Variants in GNA15 observed in about 807,000 individuals in gnomAD.
The protein encoded by GNA15 is G protein subunit alpha 15.
GNA15 carries 23 observed loss-of-function variants against 40.1 expected under a neutral mutation model. That is an observed-to-expected ratio of 0.57 (90% CI 0.41 to 0.81). GNA15 has a LOEUF of 0.81. Among genes scored for constraint, GNA15 ranks in the 40% least tolerant of loss-of-function variants. GNA15 has a pLI of 0.00. For synonymous variants in GNA15, 226 were observed against 210.4 expected (o/e 1.07, Z -0.64); for missense variants, 522 against 515.8 (o/e 1.01, Z -0.12).
At chr19:3,145,600 A>G in intron 1 of GNA15, among the ~76,000 whole-genome samples, 1 of 122,198 alleles carries the variant, frequency 8.2e-6, no homozygotes, top group Non-Finnish European at 1.7e-5. Flanking sequence ...CCCAGGCTGG[A>G]GTGTAGTGGC....
chr19:3,156,231 G>T (rs1915014467), intron 5 of GNA15, among the ~76,000 whole-genome samples: 2 of 28,452 alleles, frequency 7.0e-5, no homozygotes, highest in South Asian at 2.2e-3. Context: ...CATACACAAT[G>T]CATGCACACA....
At chr19:3,145,077 A>G (rs1305738108) in intron 1 of GNA15, among the ~76,000 whole-genome samples, 1 of 147,214 alleles carries the variant, frequency 6.8e-6, no homozygotes, top group Non-Finnish European at 1.5e-5. Context: ...CTGGTCTCGA[A>G]CTCCTGACCT....
In GNA15 at chr19:3,162,809, T is replaced by C. The variant is rs1433960096; in HGVS notation, c.915T>C (p.Ala305=). ...FPSFQGPKQD[A]EAAKRFILDM... The stretch of plus-strand genomic sequence containing the variant: ...TTTCCCCAGGCCCTAAGCAGGATGC[T>C]GAGGCAGCCAAGAGGTTCATCCTGG... The change falls in exon 7 of 7, where the codon GCT becomes GCC. Residue 305 remains alanine, a synonymous_variant. Coordinates refer to ENST00000262958, the MANE Select transcript of GNA15 (RefSeq NM_002068.4). 3 of 1,613,616 alleles carry C rather than the reference T, an allele frequency of 1.9e-6. No individual in the cohort carries two copies. The Admixed American group carries it at 5.0e-5, about 27-fold the overall frequency.
intron 6 of GNA15, among the ~76,000 whole-genome samples, chr19:3,158,599 G>T (rs1352551096): frequency 1.3e-5 from 2 of 151,952 alleles, no homozygotes; most frequent in Non-Finnish European, 2.9e-5. Flanking sequence ...TTTTAAGAAT[G>T]ATTCTTTTTC....
intron 6 of GNA15, among the ~76,000 whole-genome samples, chr19:3,162,060 A>G (rs761119889): frequency 5.9e-5 from 9 of 151,614 alleles, no homozygotes; most frequent in Non-Finnish European, 8.8e-5. Context: ...AATAATGATA[A>G]TAATAATAAA....
intron 1 of GNA15, among the ~76,000 whole-genome samples, chr19:3,138,413 G>A (rs1419235675): frequency 6.6e-6 from 1 of 152,180 alleles, no homozygotes; most frequent in Non-Finnish European, 1.5e-5. Context: ...CCCGAGCTCT[G>A]GGTTGGGGGC....
intron 1 of GNA15, among the ~76,000 whole-genome samples, chr19:3,138,605 C>A (rs1397469577): frequency 1.3e-5 from 2 of 151,926 alleles, no homozygotes; most frequent in African/African-American, 4.8e-5. Flanking sequence ...CACTGGGGGC[C>A]CTTTCTTTCT....
intron 1 of GNA15, among the ~76,000 whole-genome samples, chr19:3,138,242 G>C (rs1362292132): frequency 3.3e-4 from 50 of 152,216 alleles, no homozygotes; most frequent in Non-Finnish European, 1.5e-5. Context: ...CCCCAGCCTG[G>C]GCAACAAGAA....
At chr19:3,161,730 C>G (rs1255920910) in intron 6 of GNA15, among the ~76,000 whole-genome samples, 1 of 152,162 alleles carries the variant, frequency 6.6e-6, no homozygotes, top group Non-Finnish European at 1.5e-5. Context: ...TTTGCTGACT[C>G]CCAGCCCTAC....
intron 1 of GNA15, among the ~76,000 whole-genome samples, chr19:3,139,388 A>G (rs751782590): frequency 2.0e-5 from 3 of 151,260 alleles, no homozygotes; most frequent in Non-Finnish European, 2.9e-5. Context: ...GGAGTTTCAG[A>G]CCAGCCTGGG....
chr19:3,159,437 C>G (rs1049778715), intron 6 of GNA15, among the ~76,000 whole-genome samples: 17 of 150,906 alleles, frequency 1.1e-4, no homozygotes, highest in Admixed American at 4.0e-4. Context: ...ACCTCCGCCT[C>G]CCGGGTTCAA....
At chr19:3,148,878 C>G (rs998981794) in intron 2 of GNA15, 103 bp downstream of exon 2, 12 of 1,135,014 alleles carry the variant, frequency 1.1e-5, no homozygotes, top group Admixed American at 8.1e-5. Flanking sequence ...CAGGGCAGGG[C>G]AGGGCAGGGC....
chr19:3,155,723 C>A lies in GNA15; in HGVS notation c.615-100C>A. ...AGAGGCTAGCACCTATTCTTGCTGT[C>A]GCTATTATGGATCTTGGCATATCCC... On this transcript the variant is annotated intron_variant, in intron 4 of 6. Transcript: ENST00000262958. The surrounding 1 kb of genome is among the most constrained non-coding windows in gnomAD (Gnocchi z 5.6). 1 of 1,348,754 alleles carries A rather than the reference C, an allele frequency of 7.4e-7. No homozygotes were observed. The highest frequency in any genetic ancestry group is 1.0e-6 in the Non-Finnish European group (1 of 985,138). The allele number at this position is 1,348,754 out of a possible 1,614,324, so 83.5% of individuals were successfully genotyped here.
In GNA15 at chr19:3,151,104, G is replaced by A. The variant is rs1007677081; in HGVS notation, c.486-603G>A. On this transcript the variant is annotated intron_variant, in intron 3 of 6. Transcript: ENST00000262958. The surrounding 1 kb of genome is among the most constrained non-coding windows in gnomAD (Gnocchi z 5.0). The stretch of plus-strand genomic sequence containing the variant: ...CCTATTCCTAGAGAACCCTGTTCCC[G>A]GAGTGACCCTATTCCTGGCGGGAAC... 2.6e-5 allele frequency among the ~76,000 whole-genome samples: 4 copies of A among 151,346 alleles called. No individual in the cohort carries two copies. The highest frequency in any genetic ancestry group is 5.9e-5 in the Non-Finnish European group (4 of 67,740).
rs11880790 is a variant in GNA15, at chr19:3,159,552, T to C, written c.898+1671T>C. ...TAGAGACGGGGTTTCTCCATGTTGGTCAGGCTGGACTTGAACTCCCGACCT... is the reference window on the plus strand; with the variant it reads ...TAGAGACGGGGTTTCTCCATGTTGGCCAGGCTGGACTTGAACTCCCGACCT... On this transcript the variant is annotated intron_variant, in intron 6 of 6. Coordinates refer to ENST00000262958, the MANE Select transcript of GNA15 (RefSeq NM_002068.4). 9.7e-3 allele frequency among the ~76,000 whole-genome samples: 1,430 copies of C among 148,050 alleles called. 29 individuals carry two copies. Among genetic ancestry groups the C allele is most frequent in the African/African-American group, 0.035 (1,379 of 39,914 alleles).
intron 1 of GNA15, among the ~76,000 whole-genome samples, chr19:3,143,947 C>T (rs1019125114): frequency 3.3e-4 from 44 of 133,614 alleles, no homozygotes; most frequent in Admixed American, 2.7e-3. Context: ...GGTGAAACCC[C>T]GTCTCTACTA....
intron 4 of GNA15, among the ~76,000 whole-genome samples, chr19:3,153,702 GGATGGATGA>G: frequency 6.8e-6 from 1 of 147,996 alleles, no homozygotes; most frequent in East Asian, 2.0e-4. Flanking sequence ...TGGGTGGGTG[GGATGGATGA>G]ATGGATGGAT....
intron 1 of GNA15, among the ~76,000 whole-genome samples, chr19:3,143,751 G>A (rs1914630798): frequency 6.6e-6 from 1 of 152,066 alleles, no homozygotes; most frequent in South Asian, 2.1e-4. Context: ...GACCATTGAA[G>A]GAATTGTGCG....
intron 1 of GNA15, among the ~76,000 whole-genome samples, chr19:3,146,945 G>A (rs910356609): frequency 1.3e-5 from 2 of 151,724 alleles, no homozygotes; most frequent in South Asian, 4.1e-4. Context: ...CAGCCACAAG[G>A]GCCTCCTCAC....
Sources: allele counts gnomAD v4.1 joint callset (sites outside exome capture counted in the v4.1 genomes callset), GRCh38; gene constraint gnomAD v4.1.1; non-coding constraint Gnocchi (gnomAD v3.1); transcripts MANE v1.5; gene names NCBI Gene and HGNC (gene_info 2026-07-23, HGNC 2026-07-21).